The following BACH2 variants were observed in gnomAD, a reference collection of about 807,000 sequenced individuals.
BACH2 encodes BACH transcriptional regulator 2, also known as transcription regulator protein BACH2.
In BACH2, 5 loss-of-function variants were observed where a neutral mutation model predicts 61.8. The observed-to-expected ratio is 0.08, with a 90% CI of 0.04 to 0.17. BACH2 has a LOEUF of 0.17. Ranked by LOEUF, BACH2 falls within the 10% of genes least tolerant of loss-of-function variation. The probability of loss-of-function intolerance (pLI) is 1.00; values close to 1 mark genes in which losing one functional copy is unlikely to be tolerated. For synonymous variants in BACH2, 446 were observed against 440.1 expected (o/e 1.01, Z -0.17); for missense variants, 824 against 1,091.1 (o/e 0.76, Z 3.45).
At chr6:90,151,155 T>C (rs1175672009) in intron 4 of BACH2, among the ~76,000 whole-genome samples, 1 of 152,234 alleles carries the variant, frequency 6.6e-6, no homozygotes, top group East Asian at 1.9e-4. Context: ...GGAACAGTTT[T>C]ATAACCCACA....
intron 4 of BACH2, among the ~76,000 whole-genome samples, chr6:90,167,022 G>A (rs568205840): frequency 8.5e-5 from 13 of 152,202 alleles, no homozygotes; most frequent in African/African-American, 1.4e-4. Context: ...TAACCTGCAC[G>A]TTGTGCACAT....
chr6:90,055,653 C>CTCCAAGACACGTAAT (rs1780301407), intron 5 of BACH2, among the ~76,000 whole-genome samples: 1 of 141,666 alleles, frequency 7.1e-6, no homozygotes, highest in Admixed American at 6.6e-5. Flanking sequence ...AGAAGAGCAA[C>CTCCAAGACACGTAAT]TCCAAGACAC....
chr6:89,948,907 C>A (rs187311566), intron 7 of BACH2, among the ~76,000 whole-genome samples: 9 of 152,148 alleles, frequency 5.9e-5, no homozygotes, highest in African/African-American at 2.2e-4. Flanking sequence ...TGCAGTGTTT[C>A]TCTTTCTCCA....
intron 5 of BACH2, among the ~76,000 whole-genome samples, chr6:90,064,069 T>C (rs1339394540): frequency 6.6e-6 from 1 of 152,354 alleles, no homozygotes; most frequent in South Asian, 2.1e-4. Flanking sequence ...GTCTCCCTTA[T>C]GCAAGGCATT....
chr6:90,286,042 A>G (rs1772007927), intron 1 of BACH2, among the ~76,000 whole-genome samples: 1 of 152,228 alleles, frequency 6.6e-6, no homozygotes, highest in South Asian at 2.1e-4. Flanking sequence ...TAATCATGGT[A>G]ATAAACAACT....
At position 89,931,104 on chromosome 6, in the gene BACH2, G is replaced by A. The variant is rs986193479; in HGVS notation, c.*1304C>T. ...CAAGAGCAAGCCGAGGCCTCAGGAC[G>A]TGTTGAAATGAATGGGACTTACTCC... On this transcript the variant is annotated 3_prime_UTR_variant, in exon 9 of 9. Coordinates refer to ENST00000257749, the MANE Select transcript of BACH2 (RefSeq NM_021813.4). 2 of 152,508 alleles carry A rather than the reference G, an allele frequency of 1.3e-5. No homozygotes were observed. Among genetic ancestry groups the A allele is most frequent in the South Asian group, 2.1e-4 (1 of 4,836 alleles). 9.4% of individuals were successfully genotyped at this position (152,508 alleles called of 1,614,324 possible).
chr6:90,076,424 G>A (rs1486990666), intron 5 of BACH2, among the ~76,000 whole-genome samples: 1 of 152,102 alleles, frequency 6.6e-6, no homozygotes, highest in Non-Finnish European at 1.5e-5. Flanking sequence ...TATGGTCCAT[G>A]GTAACCCATA....
chr6:90,129,744 A>G (rs1784015637), intron 4 of BACH2, among the ~76,000 whole-genome samples: 1 of 152,144 alleles, frequency 6.6e-6, no homozygotes, highest in Admixed American at 6.5e-5. Context: ...ATGGGAGTTC[A>G]TTCATGATTT....
chr6:90,269,053 A>C (rs1032303761), intron 2 of BACH2, among the ~76,000 whole-genome samples: 1 of 152,200 alleles, frequency 6.6e-6, no homozygotes. Context: ...GTTCAGCCAG[A>C]CACTTTAACT....
At chr6:90,152,801 T>C (rs1784876983) in intron 4 of BACH2, among the ~76,000 whole-genome samples, 2 of 152,222 alleles carry the variant, frequency 1.3e-5, no homozygotes, top group African/African-American at 4.8e-5. Context: ...TCTTCTCTAG[T>C]TTATAATTTG....
intron 5 of BACH2, among the ~76,000 whole-genome samples, chr6:90,028,580 C>T (rs756612764): frequency 3.9e-5 from 6 of 152,054 alleles, no homozygotes; most frequent in African/African-American, 7.3e-5. Context: ...CACAATGCTA[C>T]CTCAGACAAA....
intron 4 of BACH2, among the ~76,000 whole-genome samples, chr6:90,106,750 T>C (rs1782938181): frequency 6.6e-6 from 1 of 152,192 alleles, no homozygotes; most frequent in Admixed American, 6.5e-5. Context: ...AGAAGAAAGG[T>C]ACTGCCAAGT....
chr6:90,242,325 T>C (rs912493750), intron 3 of BACH2, among the ~76,000 whole-genome samples: 8 of 152,218 alleles, frequency 5.3e-5, no homozygotes, highest in African/African-American at 1.7e-4. Context: ...TTTTCTATAG[T>C]TTAAATCGTA....
intron 4 of BACH2, among the ~76,000 whole-genome samples, chr6:90,122,049 T>C (rs1783650362): frequency 6.6e-6 from 1 of 152,156 alleles, no homozygotes; most frequent in Admixed American, 6.5e-5. Flanking sequence ...AAAGGTTGAT[T>C]CTGGGGCAGC....
In BACH2 at chr6:90,269,254, G is replaced by A. The variant is rs145220407; in HGVS notation, c.-353+2595C>T. Among the ~76,000 whole-genome samples the A allele has an allele frequency of 5.4e-4, 82 of 152,170 alleles. 1 individual carries two copies. Among genetic ancestry groups the A allele is most frequent in the Non-Finnish European group, 8.8e-4 (60 of 68,000 alleles). ...CCAATATTCTATGCTGGGGGTGAGG[G>A]GTGGGAAGGGAAGGGAGAGAGCTTA... On this transcript the variant is annotated intron_variant, in intron 2 of 8. Transcript: ENST00000257749.
intron 4 of BACH2, among the ~76,000 whole-genome samples, chr6:90,129,397 G>A (rs1784003156): frequency 1.3e-5 from 2 of 151,790 alleles, no homozygotes; most frequent in South Asian, 4.2e-4. Context: ...AGGTGTACAC[G>A]TGCCATGGCG....
intron 5 of BACH2, among the ~76,000 whole-genome samples, chr6:90,021,298 G>C (rs201419657): frequency 1.2e-5 from 1 of 81,644 alleles, no homozygotes. Context: ...AAGCAAAAAA[G>C]TAAAAAAAAA....
intron 6 of BACH2, among the ~76,000 whole-genome samples, chr6:89,999,447 C>T (rs1296599479): frequency 2.8e-5 from 4 of 143,614 alleles, no homozygotes; most frequent in African/African-American, 8.4e-5. Context: ...CTTTGTCACA[C>T]CTTTTTTTTT....
chr6:90,118,998 A>C (rs1019365362), intron 4 of BACH2, among the ~76,000 whole-genome samples: 1 of 152,232 alleles, frequency 6.6e-6, no homozygotes, highest in Non-Finnish European at 1.5e-5. Context: ...ATATAAAGTA[A>C]AATTTGAGCC....
Sources: gnomAD v4.1 joint callset for allele counts (sites outside exome capture counted in the v4.1 genomes callset) on GRCh38, gnomAD v4.1.1 for gene constraint, MANE v1.5 for transcripts, NCBI Gene and HGNC (gene_info 2026-07-23, HGNC 2026-07-21) for gene names.